ZNF521: variants seen among roughly 807,000 people sequenced by gnomAD.
The protein encoded by ZNF521 is LYST-interacting protein 3.
In ZNF521, 14 loss-of-function variants were observed where a neutral mutation model predicts 105.5. That is an observed-to-expected ratio of 0.13 (90% CI 0.09 to 0.21). The LOEUF (loss-of-function observed/expected upper bound fraction) is 0.21. Among genes scored for constraint, ZNF521 ranks in the 10% least tolerant of loss-of-function variants. The pLI, the probability that ZNF521 is intolerant of heterozygous loss-of-function variation, is 1.00. For missense variants in ZNF521, 1,233 were observed against 1,629.7 expected (o/e 0.76, Z 4.19); for synonymous variants, 635 against 606.0 (o/e 1.05, Z -0.70).
Position 25,224,924 on chromosome 18 carries a change from C to G in ZNF521, c.2994G>C (p.Gln998His). 1.2e-6 allele frequency: 2 copies of G among 1,613,996 alleles called. No individual in the cohort carries two copies. The highest frequency in any genetic ancestry group is 1.7e-6 in the Non-Finnish European group (2 of 1,180,008). Residue 998 changes from glutamine to histidine, a missense_variant, in exon 4 of 8, where the codon CAG becomes CAC. Coordinates refer to ENST00000361524, the MANE Select transcript of ZNF521 (RefSeq NM_015461.3). Reference sequence around the variant, plus strand: ...AATGCTCTAAAAACTCCTCTTCACTCTGGAGAGGCATCTTGCAAATCCGGC... The same window carrying G: ...AATGCTCTAAAAACTCCTCTTCACTGTGGAGAGGCATCTTGCAAATCCGGC... ...GNCRICKMPL[Q>H]SEEEFLEHCQ... is the part of the protein sequence containing the mutation.
chr18:25,227,615 A>G lies in ZNF521; in HGVS notation c.303T>C (p.His101=), dbSNP rs1332052498. 1 of 1,614,000 alleles carries G rather than the reference A, an allele frequency of 6.2e-7. No homozygotes were observed. The highest frequency in any genetic ancestry group is 2.2e-5 in the East Asian group (1 of 44,882). ...CCTCTCCAAAATCGCAACCTTCTCC[A>G]TGGCTAGGGGAAGTCTGATCCTTGC... is the stretch of plus-strand genomic sequence containing the variant. The part of the protein sequence containing the change: ...PSSKDQTSPS[H]GEGCDFGEEE... Residue 101 remains histidine (H), a synonymous_variant, in exon 4 of 8, where the codon CAT becomes CAC. Coordinates refer to ENST00000361524, the MANE Select transcript of ZNF521 (RefSeq NM_015461.3). The surrounding 1 kb of genome is among the most constrained non-coding windows in gnomAD (Gnocchi z 5.7).
chr18:25,178,832 C>T (rs1031498961), intron 5 of ZNF521, among the ~76,000 whole-genome samples: 1 of 152,088 alleles, frequency 6.6e-6, no homozygotes, highest in Admixed American at 6.5e-5. Flanking sequence ...GCACAGGCTC[C>T]CACAGTGAGC....
rs533267592 is a variant in ZNF521, at chr18:25,317,146, G to A, written c.220+4862C>T. ...TGCTGGGATTACAGACATGAGCCAC[G>A]ACGCCCGGCCTCTACTTTTCTACCT... On this transcript the variant is annotated intron_variant, in intron 3 of 7. Transcript: ENST00000361524. Among the ~76,000 whole-genome samples, 7 of 152,060 alleles carry A rather than the reference G, an allele frequency of 4.6e-5. No individual in the cohort carries two copies. In the South Asian group the frequency reaches 6.2e-4, roughly 14 times the overall value.
chr18:25,273,466 G>C (rs1020113683), intron 3 of ZNF521: 1 of 152,062 alleles, frequency 6.6e-6, no homozygotes, highest in Non-Finnish European at 1.5e-5. Context: ...GTTTGAGAAG[G>C]AACCTGGTAT....
chr18:25,317,951 A>G (rs973915550), intron 3 of ZNF521, among the ~76,000 whole-genome samples: 1 of 152,176 alleles, frequency 6.6e-6, no homozygotes, highest in Non-Finnish European at 1.5e-5. Flanking sequence ...CCTTCACCCA[A>G]TGACCCAGCA....
In ZNF521 at chr18:25,350,909, T is replaced by G; in HGVS notation, c.38A>C (p.Lys13Thr). The change falls in exon 2 of 8, where the codon AAA becomes ACA. Residue 13 changes from lysine (K) to threonine (T), a missense_variant and splice_region_variant. Physicochemically the swap from Lys to Thr is moderately conservative, Grantham distance 78. Around this residue, in one of 6 missense-constraint regions of ZNF521, gnomAD observed 76 missense variants for 79.3 expected, o/e 0.96. Transcript: ENST00000361524. ...GGGAGCAGGGGGTTCCTCCTTACCTTTGAGGGATCTCGGTTTCGCTTGCTT... is the reference window on the plus strand; with the variant it reads ...GGGAGCAGGGGGTTCCTCCTTACCTGTGAGGGATCTCGGTTTCGCTTGCTT... ...RRKQAKPRSL[K>T]DPNCKLEDKT... 1 of 1,550,498 alleles carries G rather than the reference T, an allele frequency of 6.4e-7. No individual in the cohort carries two copies. The highest frequency in any genetic ancestry group is 8.7e-7 in the Non-Finnish European group (1 of 1,146,302).
Position 25,227,602 on chromosome 18 carries a change from C to T in ZNF521, c.316G>A (p.Asp106Asn), listed in dbSNP as rs779219047. 3.1e-6 allele frequency: 5 copies of T among 1,614,012 alleles called. No individual in the cohort carries two copies. Among genetic ancestry groups the T allele is most frequent in the South Asian group, 2.2e-5 (2 of 91,084 alleles). Residue 106 changes from aspartate to asparagine, a missense_variant, in exon 4 of 8, where the codon GAT (aspartate) becomes AAT (asparagine). Coordinates refer to ENST00000361524, the MANE Select transcript of ZNF521 (RefSeq NM_015461.3). This position sits in a 1 kb window ranked among gnomAD's most constrained non-coding sequence, Gnocchi z 5.7. ...QTSPSHGEGC[D>N]FGEEEGGPGL... is the part of the protein sequence containing the mutation. The stretch of plus-strand genomic sequence containing the variant: ...GGGCCACCTTCTTCCTCTCCAAAAT[C>T]GCAACCTTCTCCATGGCTAGGGGAA...
rs2034605476 is a variant in ZNF521, at chr18:25,129,716, C to T, written c.3659-37635G>A. Among the ~76,000 whole-genome samples the T allele has an allele frequency of 2.6e-5, 4 of 151,746 alleles. No homozygotes were observed. In the South Asian group the frequency reaches 8.3e-4, roughly 32 times the overall value. On this transcript the variant is annotated intron_variant, in intron 5 of 7. Transcript: ENST00000361524. ...TTCACCGAAGAAGATACACAGATGG[C>T]AAATAGGTACATAAAAAGATGCTCT... is the stretch of plus-strand genomic sequence containing the variant.
chr18:25,294,328 A>C (rs1229976859), intron 3 of ZNF521, among the ~76,000 whole-genome samples: 1 of 152,216 alleles, frequency 6.6e-6, no homozygotes, highest in Non-Finnish European at 1.5e-5. Flanking sequence ...TGCATCAATC[A>C]ATAAATATGC....
chr18:25,170,680 C>A (rs568910514), intron 5 of ZNF521, among the ~76,000 whole-genome samples: 3 of 152,030 alleles, frequency 2.0e-5, no homozygotes, highest in African/African-American at 7.2e-5. Context: ...ACTATTAAAT[C>A]GTAGCCGTGT....
At chr18:25,332,394 T>C (rs1407117864) in intron 2 of ZNF521, among the ~76,000 whole-genome samples, 2 of 149,484 alleles carry the variant, frequency 1.3e-5, no homozygotes, top group Non-Finnish European at 3.0e-5. Context: ...TGAGCTATTA[T>C]AAACTACAAG....
intron 7 of ZNF521, among the ~76,000 whole-genome samples, chr18:25,079,403 C>T (rs1431508969): frequency 3.9e-5 from 6 of 152,186 alleles, no homozygotes; most frequent in East Asian, 1.9e-4. Flanking sequence ...CCTCGGCTCT[C>T]GGAGTCAGCG....
intron 3 of ZNF521, among the ~76,000 whole-genome samples, chr18:25,317,255 A>G (rs1429989894): frequency 6.6e-6 from 1 of 151,942 alleles, no homozygotes; most frequent in East Asian, 1.9e-4. Context: ...CAAACATTTT[A>G]CCAGTTTTTT....
At chr18:25,201,224 T>G (rs2035987784) in intron 4 of ZNF521, 1 of 152,040 alleles carries the variant, frequency 6.6e-6, no homozygotes, top group African/African-American at 2.4e-5. Context: ...GGTAATTCAG[T>G]TTTATGTCAC....
chr18:25,139,905 C>A (rs1475918726), intron 5 of ZNF521, among the ~76,000 whole-genome samples: 1 of 152,006 alleles, frequency 6.6e-6, no homozygotes, highest in Non-Finnish European at 1.5e-5. Context: ...AAAGAAATCC[C>A]GAATAACTTC....
chr18:25,204,567 T>C (rs1378244451), intron 4 of ZNF521, among the ~76,000 whole-genome samples: 1 of 152,198 alleles, frequency 6.6e-6, no homozygotes, highest in Admixed American at 6.5e-5. Context: ...TAATGTTTAC[T>C]TTAAGTTTAA....
chr18:25,111,171 T>C (rs1248788239), intron 5 of ZNF521, among the ~76,000 whole-genome samples: 9 of 152,130 alleles, frequency 5.9e-5, no homozygotes, highest in Non-Finnish European at 1.3e-4. Flanking sequence ...TACATTTGGC[T>C]GCTACCATTT....
rs1421737045 is a variant in ZNF521 at position 25,227,350 on chromosome 18, T to C, written c.568A>G (p.Lys190Glu). The change falls in exon 4 of 8, where the codon AAG (lysine) becomes GAG (glutamate). Residue 190 changes from lysine to glutamate, a missense_variant. This residue lies in a region of ZNF521 where 85 missense variants were observed against 162.2 expected (regional missense o/e 0.52). Coordinates refer to ENST00000361524, the MANE Select transcript of ZNF521 (RefSeq NM_015461.3). The surrounding 1 kb of genome is among the most constrained non-coding windows in gnomAD (Gnocchi z 5.7). ...DAAFSRSDHL[K>E]IHLKTHTSNK... Reference sequence around the variant, plus strand: ...GACGTGTGAGTCTTTAAGTGGATCTTCAAGTGATCACTTCTGGAAAACGCA... The same window carrying C: ...GACGTGTGAGTCTTTAAGTGGATCTCCAAGTGATCACTTCTGGAAAACGCA... 6.2e-7 allele frequency: 1 copy of C among 1,614,038 alleles called. No individual in the cohort carries two copies. Among genetic ancestry groups the C allele is most frequent in the African/African-American group, 1.3e-5 (1 of 74,904 alleles).
intron 3 of ZNF521, chr18:25,315,836 A>G (rs1471842252): frequency 6.6e-6 from 1 of 152,222 alleles, no homozygotes; most frequent in Non-Finnish European, 1.5e-5. Context: ...TTACCAAGAA[A>G]ACCCTCAGTT....
Sources: allele counts gnomAD v4.1 joint callset (sites outside exome capture counted in the v4.1 genomes callset), GRCh38; gene constraint gnomAD v4.1.1; regional missense constraint gnomAD v4.1.1; non-coding constraint Gnocchi (gnomAD v3.1); transcripts MANE v1.5; gene names NCBI Gene and HGNC (gene_info 2026-07-23, HGNC 2026-07-21).